MARCHF1: variants seen among roughly 807,000 people sequenced by gnomAD.
MARCHF1 encodes the protein membrane associated ring-CH-type finger 1.
In MARCHF1, 40 loss-of-function variants were observed where a neutral mutation model predicts 54.2. That is an observed-to-expected ratio of 0.74 (90% CI 0.57 to 0.96). The LOEUF (loss-of-function observed/expected upper bound fraction) is 0.96. Ranked by LOEUF, MARCHF1 falls within the 40% of genes least tolerant of loss-of-function variation. The pLI is 0.00. For synonymous variants in MARCHF1, 236 were observed against 236.3 expected (o/e 1.00, Z 0.01); for missense variants, 586 against 656.5 (o/e 0.89, Z 1.17).
intron 5 of MARCHF1, among the ~76,000 whole-genome samples, chr4:163,676,168 C>G (rs1391395660): frequency 1.5e-5 from 2 of 134,278 alleles, no homozygotes; most frequent in Non-Finnish European, 3.1e-5. Context: ...GGTGTAACCC[C>G]ATCTCTACTA....
chr4:163,539,500 C>T (rs930036959), intron 9 of MARCHF1, among the ~76,000 whole-genome samples: 2 of 152,222 alleles, frequency 1.3e-5, no homozygotes, highest in African/African-American at 4.8e-5. Context: ...GAACGCTACA[C>T]ACCTTTGGCT....
chr4:163,715,802 A>G (rs532683594), intron 4 of MARCHF1, among the ~76,000 whole-genome samples: 5 of 152,326 alleles, frequency 3.3e-5, no homozygotes, highest in African/African-American at 1.2e-4. Context: ...TCAAAAACAT[A>G]AAGGCATTAA....
chr4:163,871,893 T>C (rs1750177103), intron 3 of MARCHF1, among the ~76,000 whole-genome samples: 1 of 152,226 alleles, frequency 6.6e-6, no homozygotes, highest in Non-Finnish European at 1.5e-5. Flanking sequence ...TTTATTACAA[T>C]TAATAATTTC....
intron 4 of MARCHF1, among the ~76,000 whole-genome samples, chr4:163,809,890 T>C (rs1748336054): frequency 6.6e-6 from 1 of 151,444 alleles, no homozygotes; most frequent in South Asian, 2.1e-4. Context: ...TTTAATGAGG[T>C]TTATCATCTT....
intron 3 of MARCHF1, among the ~76,000 whole-genome samples, chr4:163,923,551 G>A (rs1338542459): frequency 6.6e-6 from 1 of 152,036 alleles, no homozygotes; most frequent in East Asian, 1.9e-4. Context: ...CTTAGGATAA[G>A]CAAGGAAGAA....
intron 1 of MARCHF1, among the ~76,000 whole-genome samples, chr4:164,312,085 A>T (rs2111429143): frequency 6.6e-6 from 1 of 152,296 alleles, no homozygotes; most frequent in Admixed American, 6.5e-5. Flanking sequence ...AGAAGATGGC[A>T]TTAATTTTCT....
chr4:163,889,274 C>T (rs1290619769), intron 3 of MARCHF1, among the ~76,000 whole-genome samples: 1 of 152,146 alleles, frequency 6.6e-6, no homozygotes, highest in Non-Finnish European at 1.5e-5. Flanking sequence ...AACAATCCTA[C>T]AAAGTAGATA....
intron 1 of MARCHF1, among the ~76,000 whole-genome samples, chr4:164,367,813 T>G (rs991418008): frequency 2.6e-5 from 4 of 152,012 alleles, no homozygotes; most frequent in African/African-American, 9.6e-5. Flanking sequence ...TGAAATTGCA[T>G]GAGTCCAGTG....
intron 3 of MARCHF1, among the ~76,000 whole-genome samples, chr4:163,900,156 C>T (rs1162645808): frequency 2.0e-5 from 3 of 152,008 alleles, no homozygotes; most frequent in South Asian, 2.1e-4. Context: ...CACTGGAATA[C>T]GAACTCAATG....
chr4:163,788,069 G>T (rs557612654), intron 4 of MARCHF1, among the ~76,000 whole-genome samples: 1 of 151,936 alleles, frequency 6.6e-6, no homozygotes, highest in Non-Finnish European at 1.5e-5. Context: ...GATAGGGGAA[G>T]GGGGAGAGGA....
intron 2 of MARCHF1, among the ~76,000 whole-genome samples, chr4:164,055,535 G>A (rs1432176937): frequency 1.3e-5 from 2 of 151,844 alleles, no homozygotes; most frequent in East Asian, 3.9e-4. Context: ...CCCGAAAATA[G>A]GGACTAGATG....
Position 163,526,466 on chromosome 4 carries a change from C to G in MARCHF1, c.*2282G>C, listed in dbSNP as rs1207613733. 1 of 151,978 alleles carries G rather than the reference C, an allele frequency of 6.6e-6. No homozygotes were observed. The highest frequency in any genetic ancestry group is 1.5e-5 in the Non-Finnish European group (1 of 67,932). The allele number at this position is 151,978 out of a possible 1,614,324, so 9.4% of individuals were successfully genotyped here. A position where few individuals can be genotyped will look rare whatever the true frequency, so the allele number is the denominator to read the frequency against. On this transcript the variant is annotated 3_prime_UTR_variant, in exon 10 of 10. Transcript: ENST00000514618. ...AAGCAGCATGTTGCCATTACTAACC[C>G]ACAGGGAAAATGGATTAGTAAAAAG... is the stretch of plus-strand genomic sequence containing the variant.
intron 5 of MARCHF1, among the ~76,000 whole-genome samples, chr4:163,653,262 G>A (rs1743029713): frequency 1.3e-5 from 2 of 151,760 alleles, no homozygotes; most frequent in Non-Finnish European, 2.9e-5. Flanking sequence ...GATTGCAGCA[G>A]AGCAGGTGAG....
At chr4:163,768,348 CACTA>C (rs1163624618) in intron 4 of MARCHF1, among the ~76,000 whole-genome samples, 2 of 152,148 alleles carry the variant, frequency 1.3e-5, no homozygotes, top group African/African-American at 4.8e-5. Context: ...TTGAAAAGAA[CACTA>C]ACAAACAACT....
intron 5 of MARCHF1, among the ~76,000 whole-genome samples, chr4:163,662,876 AG>A (rs1743393257): frequency 6.6e-6 from 1 of 151,928 alleles, no homozygotes; most frequent in Non-Finnish European, 1.5e-5. Context: ...GGGAAAGAGG[AG>A]TCAAGGTCTT....
chr4:164,223,674 T>A lies in MARCHF1; in HGVS notation c.-322-112012A>T, dbSNP rs560259611. ...CTAATGTTCTCACCAGTGATTTTCA[T>A]GCCCATCAAACTGAATTCAAATTCC... On this transcript the variant is annotated intron_variant, in intron 1 of 9. Transcript: ENST00000514618. Among the ~76,000 whole-genome samples, 7 of 152,050 alleles carry A rather than the reference T, an allele frequency of 4.6e-5. No individual in the cohort carries two copies. In the East Asian group the frequency reaches 1.4e-3, roughly 29 times the overall value.
At chr4:164,093,022 G>T (rs7659197) in intron 2 of MARCHF1, among the ~76,000 whole-genome samples, 115,770 of 151,994 alleles carry the variant, frequency 0.76, 44,669 homozygotes, top group Non-Finnish European at 0.83. Context: ...TTTGAAGGTC[G>T]GGTTAATAAC....
At chr4:164,141,958 G>GTGGGCGCAGGTCAGTGGA (rs957729658) in intron 1 of MARCHF1, among the ~76,000 whole-genome samples, 1 of 152,130 alleles carries the variant, frequency 6.6e-6, no homozygotes, top group Non-Finnish European at 1.5e-5. Flanking sequence ...AGGTCAGTGG[G>GTGGGCGCAGGTCAGTGGA]TGGGCGCACC....
rs561978610 is a variant in MARCHF1 at position 163,848,410 on chromosome 4, A to G, written c.111+5611T>C. ...TCAAAAAATCATAATTGATTATAGG[A>G]GTGTAATTTTCTCTAGAGTCATTGC... On this transcript the variant is annotated intron_variant, in intron 4 of 9. Transcript: ENST00000514618. 2.0e-5 allele frequency among the ~76,000 whole-genome samples: 3 copies of G among 152,240 alleles called. No individual in the cohort carries two copies. The South Asian group carries it at 6.2e-4, about 32-fold the overall frequency.
Sources: allele counts gnomAD v4.1 joint callset (sites outside exome capture counted in the v4.1 genomes callset), GRCh38; gene constraint gnomAD v4.1.1; transcripts MANE v1.5; gene names NCBI Gene and HGNC (gene_info 2026-07-23, HGNC 2026-07-21).